ATXN3: variants seen among roughly 807,000 people sequenced by gnomAD.
The protein encoded by ATXN3 is ataxin-3.
ATXN3 carries 28 observed loss-of-function variants against 58.2 expected under a neutral mutation model. The observed-to-expected ratio is 0.48, with a 90% CI of 0.36 to 0.66. The LOEUF (loss-of-function observed/expected upper bound fraction) is 0.66. Ranked by LOEUF, ATXN3 falls within the 30% of genes least tolerant of loss-of-function variation. The pLI, the probability that ATXN3 is intolerant of heterozygous loss-of-function variation, is 0.00. For synonymous variants in ATXN3, 113 were observed against 138.5 expected (o/e 0.82, Z 1.29); for missense variants, 321 against 422.1 (o/e 0.76, Z 2.10).
At chr14:92,106,453 T>G in intron 1 of ATXN3, 76 bp downstream of exon 1, 3 of 1,595,116 alleles carry the variant, frequency 1.9e-6, no homozygotes, top group East Asian at 4.5e-5. Flanking sequence ...CACCCAGCCC[T>G]CCGAGAGGCG....
rs1466529244 is a variant in ATXN3 at position 92,096,730 on chromosome 14, TCTC to T, written c.130_132del (p.Glu44del). On this transcript the variant is annotated inframe_deletion, in exon 2 of 11. Transcript: ENST00000644486. ...ACTCCTCCTTCTGCCATTCTCATCC[TCTC>T]CTCCTCATCCAGCTGATGTGCAATT... The T allele has an allele frequency of 1.2e-6, 2 of 1,613,684 alleles. No homozygotes were observed. The highest frequency in any genetic ancestry group is 8.5e-7 in the Non-Finnish European group (1 of 1,179,914).
intron 1 of ATXN3, among the ~76,000 whole-genome samples, chr14:92,097,655 A>T (rs1200961119): frequency 4.1e-5 from 6 of 147,912 alleles, no homozygotes; most frequent in Non-Finnish European, 9.0e-5. Flanking sequence ...CCTACCAAGT[A>T]GCTGCGACTA....
At chr14:92,058,444 G>T (rs1187266651), downstream of ATXN3, 6 of 152,226 alleles carry the variant, frequency 3.9e-5, 1 homozygote, top group Non-Finnish European at 2.9e-5. Flanking sequence ...CAATCCTCCT[G>T]CTTCTGCCTC....
chr14:92,070,016 T>C (rs2059158980), intron 10 of ATXN3, among the ~76,000 whole-genome samples: 1 of 152,232 alleles, frequency 6.6e-6, no homozygotes, highest in Non-Finnish European at 1.5e-5. Context: ...TATGTCTTAT[T>C]TGGTGAAATA....
rs2057680565 is a variant in ATXN3, at chr14:92,060,270, A to ACACACATATATATATATATATATATT, written c.*4049_*4050insAATATATATATATATATATATGTGTG. The ACACACATATATATATATATATATATT allele has an allele frequency of 8.5e-6, 1 of 117,422 alleles. No homozygotes were observed. Among genetic ancestry groups the ACACACATATATATATATATATATATT allele is most frequent in the Non-Finnish European group, 1.7e-5 (1 of 59,196 alleles). 7.3% of individuals were successfully genotyped at this position (117,422 alleles called of 1,614,324 possible). On this transcript the variant is annotated 3_prime_UTR_variant, in exon 11 of 11. Transcript: ENST00000644486. ...CACACATATATATATATATATATATATTTTTTTTTTTCAGAAACAGTGTCT... is the reference window on the plus strand; with the variant it reads ...CACACATATATATATATATATATATACACACATATATATATATATATATATTTTTTTTTTTTTCAGAAACAGTGTCT...
chr14:92,057,856 C>T (rs1365722138), downstream of ATXN3, among the ~76,000 whole-genome samples: 1 of 151,860 alleles, frequency 6.6e-6, no homozygotes, highest in African/African-American at 2.4e-5. Context: ...ATTTATTTGA[C>T]TTTTTTAAGG....
chr14:92,104,048 A>G lies in ATXN3; in HGVS notation c.24+2481T>C, dbSNP rs532122634. Among the ~76,000 whole-genome samples, 12 of 152,366 alleles carry G rather than the reference A, an allele frequency of 7.9e-5. No homozygotes were observed. The South Asian group carries it at 1.0e-3, about 13-fold the overall frequency. On this transcript the variant is annotated intron_variant, in intron 1 of 10. Coordinates refer to ENST00000644486, the MANE Select transcript of ATXN3 (RefSeq NM_004993.6). Reference sequence around the variant, plus strand: ...AAAAACTAAATTGTTGAATCTTCACATGCTATGTAGATACAAGTTGATGAT... The same window carrying G: ...AAAAACTAAATTGTTGAATCTTCACGTGCTATGTAGATACAAGTTGATGAT...
chr14:92,080,796 A>G, intron 9 of ATXN3, 169 bp downstream of exon 9: 1 of 632,160 alleles, frequency 1.6e-6, no homozygotes, highest in Non-Finnish European at 2.9e-6. Context: ...TTGGCCTCCC[A>G]AACTGCTAGC....
At chr14:92,095,533 G>A (rs965613750) in intron 3 of ATXN3, among the ~76,000 whole-genome samples, 11 of 150,642 alleles carry the variant, frequency 7.3e-5, no homozygotes, top group Admixed American at 5.3e-4. Context: ...GTGAGCCACC[G>A]CGCCCGGCCA....
At chr14:92,100,762 G>A (rs2066591123) in intron 1 of ATXN3, among the ~76,000 whole-genome samples, 1 of 152,136 alleles carries the variant, frequency 6.6e-6, no homozygotes, top group Admixed American at 6.6e-5. Context: ...ATAATGGGAG[G>A]TTATAGGATG....
chr14:92,096,249 G>C (rs2065212675), intron 2 of ATXN3, 112 bp from the exon 3 acceptor site: 1 of 1,598,370 alleles, frequency 6.3e-7, no homozygotes, highest in African/African-American at 1.3e-5. Context: ...CATTTCCAAA[G>C]TTAACAGCAC....
chr14:92,070,889 T>TA (rs773613201), intron 10 of ATXN3, 46 bp downstream of exon 10: 2 of 1,613,798 alleles, frequency 1.2e-6, no homozygotes, highest in Non-Finnish European at 8.5e-7. Context: ...GTATGTCAGA[T>TA]AAAGTGTGAA....
chr14:92,075,704 C>T (rs975440823), intron 9 of ATXN3, among the ~76,000 whole-genome samples: 2 of 152,084 alleles, frequency 1.3e-5, no homozygotes, highest in African/African-American at 4.8e-5. Context: ...CCCAAGCTCC[C>T]AAAGACAGAA....
At chr14:92,106,425 T>G in intron 1 of ATXN3, 104 bp downstream of exon 1, 4 of 1,466,066 alleles carry the variant, frequency 2.7e-6, no homozygotes, top group Non-Finnish European at 3.8e-6. Context: ...GAGATCGGCA[T>G]GGGGGCGACT....
intron 2 of ATXN3, among the ~76,000 whole-genome samples, chr14:92,045,914 C>T (rs2057425548): frequency 6.6e-6 from 1 of 152,218 alleles, no homozygotes; most frequent in Admixed American, 6.5e-5. Flanking sequence ...TCTTTAGCTA[C>T]CTTATCAGCA....
chr14:92,096,623 CAAAAAAA>C lies in ATXN3; in HGVS notation c.189+44_189+50del, dbSNP rs376966269. 1.2e-3 allele frequency: 1,474 copies of C among 1,249,092 alleles called. 13 individuals are homozygous for C. The African/African-American group carries it at 0.027, about 23-fold the overall frequency. 77.4% of individuals were successfully genotyped at this position (1,249,092 alleles called of 1,614,324 possible). On this transcript the variant is annotated intron_variant, in intron 2 of 10. Coordinates refer to ENST00000644486, the MANE Select transcript of ATXN3 (RefSeq NM_004993.6). ...TGGGCAACAGGGCGAGACTCCGTCT[CAAAAAAA>C]AAAAAAAAAAAGAAATGTGACTTAG...
At chr14:92,056,533 T>G (rs2057465700), downstream of ATXN3, among the ~76,000 whole-genome samples, 1 of 152,196 alleles carries the variant, frequency 6.6e-6, no homozygotes, top group Admixed American at 6.5e-5. Flanking sequence ...AAATACTGAA[T>G]GATTCCACTT....
At chr14:92,064,477 G>A in intron 10 of ATXN3, 63 bp from the exon 11 acceptor site, 1 of 1,216,726 alleles carries the variant, frequency 8.2e-7, no homozygotes, top group Non-Finnish European at 1.2e-6. Context: ...TCATCAAAAG[G>A]CAAGTTCTCA....
chr14:92,047,575 G>A (rs2140161677), intron 2 of ATXN3, among the ~76,000 whole-genome samples: 1 of 152,284 alleles, frequency 6.6e-6, no homozygotes. Flanking sequence ...GGGGATACGA[G>A]AGGAAGAGGC....
Sources: gnomAD v4.1 joint callset for allele counts (sites outside exome capture counted in the v4.1 genomes callset) on GRCh38, gnomAD v4.1.1 for gene constraint, MANE v1.5 for transcripts, NCBI Gene and HGNC (gene_info 2026-07-23, HGNC 2026-07-21) for gene names.